The following KCNJ6 variants were observed in gnomAD, a reference collection of about 807,000 sequenced individuals.
KCNJ6 encodes potassium inwardly rectifying channel subfamily J member 6.
Under a neutral mutation model 34.2 loss-of-function variants are expected in KCNJ6, and 9 were observed. The ratio of observed to expected loss-of-function variants is 0.26; its 90% confidence interval spans 0.16 to 0.46. The LOEUF (loss-of-function observed/expected upper bound fraction) is 0.46. Ranked by LOEUF, KCNJ6 falls within the 20% of genes least tolerant of loss-of-function variation. The pLI, the probability that KCNJ6 is intolerant of heterozygous loss-of-function variation, is 1.00. For missense variants in KCNJ6, 236 were observed against 531.3 expected, an observed-to-expected ratio of 0.44 and a Z score of 5.46; for synonymous variants, 196 against 207.1, an observed-to-expected ratio of 0.95 and a Z score of 0.46.
intron 2 of KCNJ6, among the ~76,000 whole-genome samples, chr21:37,793,836 AC>A (rs1297231401): frequency 3.9e-5 from 6 of 152,246 alleles, no homozygotes; most frequent in African/African-American, 7.2e-5. Context: ...TGCCTAACTC[AC>A]CATGTGAAGT....
intron 1 of KCNJ6, among the ~76,000 whole-genome samples, chr21:37,858,294 G>T (rs2055575271): frequency 6.6e-6 from 1 of 150,492 alleles, no homozygotes; most frequent in South Asian, 2.1e-4. Flanking sequence ...TCGGGAGGCT[G>T]AGGCAGGAGA....
intron 2 of KCNJ6, among the ~76,000 whole-genome samples, chr21:37,779,340 C>A (rs1362966843): frequency 6.6e-6 from 1 of 152,112 alleles, no homozygotes; most frequent in Non-Finnish European, 1.5e-5. Flanking sequence ...GTAGTTCATA[C>A]TCTTCTAACC....
chr21:37,761,718 TGTGTGTGTG>T (rs1035023650), intron 2 of KCNJ6, among the ~76,000 whole-genome samples: 4 of 151,628 alleles, frequency 2.6e-5, no homozygotes, highest in Non-Finnish European at 4.4e-5. Context: ...TGTGTATATT[TGTGTGTGTG>T]GTGTGTGTCG....
At chr21:37,653,702 G>A (rs2054444299) in intron 3 of KCNJ6, among the ~76,000 whole-genome samples, 1 of 152,144 alleles carries the variant, frequency 6.6e-6, no homozygotes, top group Admixed American at 6.5e-5. Context: ...CTTCAACCCT[G>A]TTGTAATTCT....
intron 1 of KCNJ6, among the ~76,000 whole-genome samples, chr21:37,900,151 T>C (rs1313241874): frequency 6.6e-6 from 1 of 152,202 alleles, no homozygotes; most frequent in East Asian, 1.9e-4. Flanking sequence ...AAAAAGTGCC[T>C]ACCCTTTTTA....
chr21:37,778,178 C>G (rs1205220410), intron 2 of KCNJ6, among the ~76,000 whole-genome samples: 5 of 152,190 alleles, frequency 3.3e-5, no homozygotes, highest in African/African-American at 1.2e-4. Flanking sequence ...GGGGCATCTA[C>G]TGACACATGA....
intron 2 of KCNJ6, among the ~76,000 whole-genome samples, chr21:37,725,180 A>T (rs992560488): frequency 1.3e-5 from 2 of 152,188 alleles, no homozygotes; most frequent in Non-Finnish European, 2.9e-5. Context: ...GGATCATGAG[A>T]TCAGAAGTTC....
chr21:37,642,671 C>T (rs549445892), intron 3 of KCNJ6, among the ~76,000 whole-genome samples: 2 of 152,086 alleles, frequency 1.3e-5, no homozygotes, highest in South Asian at 2.1e-4. Flanking sequence ...CGTGAGCATC[C>T]GACCATGTTT....
At chr21:37,758,660 CAG>C (rs2055044067) in intron 2 of KCNJ6, among the ~76,000 whole-genome samples, 1 of 151,908 alleles carries the variant, frequency 6.6e-6, no homozygotes, top group African/African-American at 2.4e-5. Flanking sequence ...TTTTTTGAGA[CAG>C]GGTCTGGCTA....
At chr21:37,707,729 G>GTGTGTGTGTGTGTGTGTGTA (rs1556022151) in intron 3 of KCNJ6, among the ~76,000 whole-genome samples, 2 of 151,034 alleles carry the variant, frequency 1.3e-5, no homozygotes, top group East Asian at 1.9e-4. Context: ...GTGCATGTGT[G>GTGTGTGTGTGTGTGTGTGTA]TGTGTGAATA....
chr21:37,772,679 A>AT (rs1227066034), intron 2 of KCNJ6, among the ~76,000 whole-genome samples: 2 of 152,114 alleles, frequency 1.3e-5, no homozygotes, highest in Non-Finnish European at 2.9e-5. Flanking sequence ...TTCTCTTGCT[A>AT]TTTACTCTCT....
At chr21:37,813,135 AAAGAAATCAAGAAAGTAATCCC>A (rs2055330888) in intron 2 of KCNJ6, among the ~76,000 whole-genome samples, 3 of 152,376 alleles carry the variant, frequency 2.0e-5, no homozygotes, top group African/African-American at 7.2e-5. Flanking sequence ...ATAATCTAAA[AAAGAAATCAAGAAAGTAATCCC>A]AATTACAATA....
intron 3 of KCNJ6, among the ~76,000 whole-genome samples, chr21:37,644,313 A>G (rs1033248623): frequency 5.3e-5 from 8 of 152,214 alleles, no homozygotes; most frequent in African/African-American, 1.9e-4. Flanking sequence ...AGCTGTATAA[A>G]AAATCCCCAT....
chr21:37,900,171 TA>T (rs2055809608), intron 1 of KCNJ6, among the ~76,000 whole-genome samples: 1 of 152,218 alleles, frequency 6.6e-6, no homozygotes. Context: ...ACCCAGCAAT[TA>T]TATGTATAAT....
chr21:37,696,109 A>G (rs1248036308), intron 3 of KCNJ6, among the ~76,000 whole-genome samples: 1 of 152,272 alleles, frequency 6.6e-6, no homozygotes, highest in Non-Finnish European at 1.5e-5. Flanking sequence ...AAGAGAACAC[A>G]TCAATGTAGA....
chr21:37,755,762 C>G (rs73408762), intron 2 of KCNJ6, among the ~76,000 whole-genome samples: 4,508 of 152,240 alleles, frequency 0.03, 227 homozygotes, highest in African/African-American at 0.1. Flanking sequence ...GGCCAGCCTC[C>G]GGGTGAGAAG....
At chr21:37,781,869 ATACC>A (rs969095488) in intron 2 of KCNJ6, among the ~76,000 whole-genome samples, 1 of 152,102 alleles carries the variant, frequency 6.6e-6, no homozygotes, top group South Asian at 2.1e-4. Context: ...TCACCTGGAA[ATACC>A]TACCTACCTA....
intron 1 of KCNJ6, among the ~76,000 whole-genome samples, chr21:37,895,739 G>A (rs1262864657): frequency 6.6e-6 from 1 of 152,100 alleles, no homozygotes; most frequent in African/African-American, 2.4e-5. Flanking sequence ...GAAGACAAAG[G>A]GCTTCAGAGC....
chr21:37,775,402 G>A (rs956022688), intron 2 of KCNJ6, among the ~76,000 whole-genome samples: 1 of 152,186 alleles, frequency 6.6e-6, no homozygotes, highest in African/African-American at 2.4e-5. Flanking sequence ...TGCTTTTGGT[G>A]TTTTAGACAT....
Sources: gnomAD v4.1 joint callset for allele counts (sites outside exome capture counted in the v4.1 genomes callset) on GRCh38, gnomAD v4.1.1 for gene constraint, MANE v1.5 for transcripts, NCBI Gene and HGNC (gene_info 2026-07-23, HGNC 2026-07-21) for gene names.